SMCO2: variants seen among roughly 807,000 people sequenced by gnomAD.
The protein encoded by SMCO2 is single-pass membrane protein with coiled-coil domains 2, also known as single-pass membrane and coiled-coil domain-containing protein 2.
SMCO2 carries 25 observed loss-of-function variants against 29.5 expected under a neutral mutation model. The ratio of observed to expected loss-of-function variants is 0.85; its 90% CI spans 0.62 to 1.18. The LOEUF (loss-of-function observed/expected upper bound fraction) is 1.18, where lower values mean the gene tolerates loss of function less well. SMCO2 is among the 50% of genes most tolerant of loss of function. The pLI, the probability that SMCO2 is intolerant of heterozygous loss-of-function variation, is 0.00. For synonymous variants in SMCO2, 117 were observed against 123.3 expected, an observed-to-expected ratio of 0.95 and a Z score of 0.34; for missense variants, 348 against 344.5, an observed-to-expected ratio of 1.01 and a Z score of -0.08.
chr12:27,467,950 C>T (rs985739415), intron 1 of SMCO2, among the ~76,000 whole-genome samples: 1 of 152,142 alleles, frequency 6.6e-6, no homozygotes, highest in East Asian at 1.9e-4. Context: ...TGAAGTTAAA[C>T]GTTACTAATT....
chr12:27,468,853 T>C (rs1240148067), intron 1 of SMCO2, among the ~76,000 whole-genome samples: 1 of 152,230 alleles, frequency 6.6e-6, no homozygotes, highest in East Asian at 1.9e-4. Flanking sequence ...CTCTGTATCA[T>C]GTTGTTGTGA....
At chr12:27,455,437 C>T in the SMCO2 span, among the ~76,000 whole-genome samples, 1 of 152,140 alleles carries the variant, frequency 6.6e-6, no homozygotes, top group Non-Finnish European at 1.5e-5. Flanking sequence ...AGATAAGATA[C>T]ATTTGTAGGG....
intron 7 of SMCO2, among the ~76,000 whole-genome samples, chr12:27,496,144 C>G (rs139134531): frequency 1.3e-5 from 2 of 150,032 alleles, no homozygotes; most frequent in African/African-American, 2.5e-5. Flanking sequence ...GATATATCTT[C>G]ATGATCAAAG....
the SMCO2 span, among the ~76,000 whole-genome samples, chr12:27,428,793 G>A: frequency 6.7e-6 from 1 of 148,888 alleles, no homozygotes; most frequent in South Asian, 2.1e-4. Context: ...TTTTACCTTG[G>A]GGGTAAATAC....
chr12:27,484,668 C>T (rs1213028026), intron 4 of SMCO2, among the ~76,000 whole-genome samples: 1 of 151,650 alleles, frequency 6.6e-6, no homozygotes, highest in Non-Finnish European at 1.5e-5. Flanking sequence ...ATCTGGCCAA[C>T]ATGGTAAAAC....
chr12:27,470,544 T>C (rs1435595957), intron 1 of SMCO2, 78 bp from the exon 2 acceptor site: 2 of 1,463,190 alleles, frequency 1.4e-6, no homozygotes, highest in African/African-American at 2.8e-5. Flanking sequence ...AGGAAGAAGT[T>C]AGTCTGGTGT....
chr12:27,442,302 T>A, the SMCO2 span, among the ~76,000 whole-genome samples: 1 of 152,066 alleles, frequency 6.6e-6, no homozygotes, highest in Admixed American at 6.5e-5. Context: ...TTAGCTAGAC[T>A]AATTTAAAAA....
the SMCO2 span, among the ~76,000 whole-genome samples, chr12:27,444,974 G>GAT: frequency 6.6e-5 from 10 of 152,026 alleles, no homozygotes; most frequent in African/African-American, 1.7e-4. Flanking sequence ...AAGAAAATGT[G>GAT]ATATATATAT....
At chr12:27,500,203 G>A (rs529061838) in intron 7 of SMCO2, among the ~76,000 whole-genome samples, 1 of 149,874 alleles carries the variant, frequency 6.7e-6, no homozygotes, top group Non-Finnish European at 1.5e-5. Flanking sequence ...ATCATGCTTA[G>A]TAATAGAAAA....
intron 2 of SMCO2, 82 bp downstream of exon 2, chr12:27,470,847 A>C: frequency 1.4e-6 from 2 of 1,451,042 alleles, no homozygotes; most frequent in Non-Finnish European, 1.8e-6. Context: ...GCAAACGATG[A>C]GATTTCCAGG....
the SMCO2 span, among the ~76,000 whole-genome samples, chr12:27,426,410 T>A: frequency 6.6e-6 from 1 of 152,142 alleles, no homozygotes; most frequent in Non-Finnish European, 1.5e-5. Flanking sequence ...GATAGTTGGA[T>A]ATGTGAGTAT....
At chr12:27,445,497 A>G in the SMCO2 span, among the ~76,000 whole-genome samples, 5,301 of 152,314 alleles carry the variant, frequency 0.035, 137 homozygotes, top group East Asian at 0.12. Flanking sequence ...GAATTTCAAT[A>G]ATTCATATCA....
chr12:27,450,966 A>G, the SMCO2 span, among the ~76,000 whole-genome samples: 2 of 152,224 alleles, frequency 1.3e-5, no homozygotes, highest in Admixed American at 6.5e-5. Context: ...TAGAAGCTTT[A>G]GGAGACACTG....
intron 5 of SMCO2, among the ~76,000 whole-genome samples, chr12:27,489,680 A>G (rs1259424553): frequency 2.0e-5 from 3 of 152,152 alleles, no homozygotes; most frequent in African/African-American, 7.2e-5. Context: ...CTGGGGGAAA[A>G]ATTACTTTTA....
chr12:27,486,574 G>C (rs1949690762), intron 4 of SMCO2, among the ~76,000 whole-genome samples: 1 of 152,142 alleles, frequency 6.6e-6, no homozygotes. Context: ...GAAAGCAGAA[G>C]TACCCAAAAC....
At chr12:27,482,449 C>T (rs1949653086) in intron 4 of SMCO2, among the ~76,000 whole-genome samples, 3 of 152,078 alleles carry the variant, frequency 2.0e-5, no homozygotes, top group East Asian at 1.9e-4. Context: ...TACAGGCATT[C>T]GCCACCATGC....
intron 7 of SMCO2, among the ~76,000 whole-genome samples, chr12:27,501,252 T>C (rs1371697419): frequency 2.7e-5 from 4 of 147,490 alleles, no homozygotes; most frequent in African/African-American, 1.0e-4. Flanking sequence ...CCGTCTCTAC[T>C]AAAAATACAA....
chr12:27,488,465 TA>T lies in SMCO2; in HGVS notation c.372del (p.Asp125ThrfsTer3). 1 of 1,531,316 alleles carries T rather than the reference TA, an allele frequency of 6.5e-7. No individual in the cohort carries two copies. 94.9% of individuals were successfully genotyped at this position (1,531,316 alleles called of 1,614,324 possible). ...GTATCTTGGTCTGTTTGCAGCTTAT[TA>T]AAAGACATGCTGACCCTGAAGGGTC... On this transcript the variant is annotated frameshift_variant, in exon 5 of 8. Transcript: ENST00000298876. LOFTEE classifies it high-confidence loss of function.
chr12:27,428,572 TA>T, the SMCO2 span, among the ~76,000 whole-genome samples: 5,884 of 147,384 alleles, frequency 0.04, 637 homozygotes, highest in East Asian at 0.3. Context: ...TTTTTTTTTT[TA>T]AAATACTCAG....
Sources: allele counts gnomAD v4.1 joint callset (sites outside exome capture counted in the v4.1 genomes callset), GRCh38; gene constraint gnomAD v4.1.1; transcripts MANE v1.5; gene names NCBI Gene and HGNC (gene_info 2026-07-23, HGNC 2026-07-21).